The following SH3KBP1 variants were observed in gnomAD, a reference collection of about 807,000 sequenced individuals.
The protein encoded by SH3KBP1 is SH3 domain containing kinase binding protein 1, also known as SH3 domain-containing kinase-binding protein 1.
In SH3KBP1, 8 loss-of-function variants were observed where a neutral mutation model predicts 50.1. The observed-to-expected ratio is 0.16, with a 90% confidence interval of 0.09 to 0.29. The LOEUF is 0.29. SH3KBP1 is among the 10% of genes least tolerant of loss of function. The pLI is 1.00. For synonymous variants in SH3KBP1, 227 were observed against 218.6 expected (o/e 1.04, Z -0.34); for missense variants, 377 against 535.2 (o/e 0.70, Z 2.92).
chrX:19,633,932 G>C (rs1168200588), intron 7 of SH3KBP1, among the ~76,000 whole-genome samples: 1 of 110,438 alleles, frequency 9.1e-6, no homozygotes, highest in African/African-American at 3.3e-5. Flanking sequence ...CTCTTTTGTT[G>C]GTGACTGGTT....
chrX:19,581,533 T>A (rs2066372792), intron 12 of SH3KBP1, among the ~76,000 whole-genome samples: 2 of 111,626 alleles, frequency 1.8e-5, no homozygotes, highest in Admixed American at 1.9e-4. Context: ...AGCAAAGAGG[T>A]CTTTTCTAAT....
chrX:19,878,835 G>C (rs1211937638), intron 1 of SH3KBP1, among the ~76,000 whole-genome samples: 2 of 112,227 alleles, frequency 1.8e-5, no homozygotes, highest in Non-Finnish European at 3.8e-5. Flanking sequence ...GGTGAAAATT[G>C]CAAATTTTGT....
At chrX:19,788,269 C>CAAAAAAAAAAAAAA (rs1227301099) in intron 2 of SH3KBP1, among the ~76,000 whole-genome samples, 5 of 25,546 alleles carry the variant, frequency 2.0e-4, no homozygotes, top group East Asian at 1.3e-3. Context: ...ATTCTATCTC[C>CAAAAAAAAAAAAAA]AAAAAAAAAA....
intron 1 of SH3KBP1, among the ~76,000 whole-genome samples, chrX:19,866,894 C>A: frequency 9.2e-6 from 1 of 108,481 alleles, no homozygotes; most frequent in African/African-American, 3.4e-5. Context: ...CGTAAACAGA[C>A]CTTACAACAC....
rs1436517734 is a variant in SH3KBP1, at chrX:19,821,442, T to C, written c.162+14683A>G. Among the ~76,000 whole-genome samples, 3 of 112,060 alleles carry C rather than the reference T, an allele frequency of 2.7e-5. No individual in the cohort carries two copies. In the Admixed American group the frequency reaches 2.8e-4, roughly 11 times the overall value. ...GACACATACCCTATACTTGGCCTAC[T>C]ATACATACTCCCTATTTTTACCCAT... On this transcript the variant is annotated intron_variant, in intron 2 of 17. Transcript: ENST00000397821.
chrX:19,754,295 C>T (rs989085156), intron 2 of SH3KBP1, among the ~76,000 whole-genome samples: 39 of 111,945 alleles, frequency 3.5e-4, no homozygotes, highest in Middle Eastern at 4.6e-3. Flanking sequence ...GATAATGTTG[C>T]TTCCCGATGT....
intron 1 of SH3KBP1, among the ~76,000 whole-genome samples, chrX:19,870,345 C>CTT (rs1187661196): frequency 9.7e-6 from 1 of 103,242 alleles, no homozygotes. Context: ...CTACACATTT[C>CTT]TTTTTTTTTT....
chrX:19,581,266 A>ACTT (rs954439993), intron 12 of SH3KBP1, among the ~76,000 whole-genome samples: 3 of 112,059 alleles, frequency 2.7e-5, no homozygotes, highest in Non-Finnish European at 5.6e-5. Context: ...TCTAGCCAAG[A>ACTT]CTTCTCTCCT....
intron 2 of SH3KBP1, among the ~76,000 whole-genome samples, chrX:19,824,595 C>T (rs1325443256): frequency 1.8e-5 from 2 of 112,103 alleles, no homozygotes; most frequent in African/African-American, 6.5e-5. Context: ...GTAATGATCA[C>T]GGTGATATCT....
intron 3 of SH3KBP1, among the ~76,000 whole-genome samples, chrX:19,707,408 G>A (rs1355000781): frequency 8.9e-6 from 1 of 112,100 alleles, no homozygotes; most frequent in Non-Finnish European, 1.9e-5. Context: ...TTTTCTAAAT[G>A]TGCAAAGGAA....
chrX:19,687,760 G>T, intron 5 of SH3KBP1: 1 of 793,890 alleles, frequency 1.3e-6, no homozygotes, highest in Non-Finnish European at 1.9e-6. Context: ...GCAAATGATG[G>T]CAAAAGAAGG....
intron 2 of SH3KBP1, among the ~76,000 whole-genome samples, chrX:19,751,783 C>T (rs2065073585): frequency 8.9e-6 from 1 of 111,994 alleles, no homozygotes; most frequent in African/African-American, 3.2e-5. Context: ...ATTCAGAGAC[C>T]AAAAAGCCAG....
At chrX:19,581,382 C>A (rs919849468) in intron 12 of SH3KBP1, among the ~76,000 whole-genome samples, 1 of 112,396 alleles carries the variant, frequency 8.9e-6, no homozygotes, top group Non-Finnish European at 1.9e-5. Flanking sequence ...ATTCACAACA[C>A]CTGAGTAATC....
At chrX:19,616,966 C>T (rs1413569804) in intron 8 of SH3KBP1, among the ~76,000 whole-genome samples, 1 of 112,155 alleles carries the variant, frequency 8.9e-6, no homozygotes, top group African/African-American at 3.2e-5. Context: ...CTACTGATGC[C>T]TGGCTTAGTA....
chrX:19,835,039 A>G, intron 2 of SH3KBP1, among the ~76,000 whole-genome samples: 1 of 99,578 alleles, frequency 1.0e-5, no homozygotes, highest in Non-Finnish European at 2.1e-5. Flanking sequence ...AGACTGTCTC[A>G]AAAAAAAAAA....
intron 6 of SH3KBP1, among the ~76,000 whole-genome samples, chrX:19,669,996 T>C (rs769953207): frequency 1.8e-5 from 2 of 110,425 alleles, no homozygotes; most frequent in East Asian, 5.7e-4. Flanking sequence ...TTAAAATTTT[T>C]TTTTCAATGA....
intron 2 of SH3KBP1, among the ~76,000 whole-genome samples, chrX:19,775,282 C>T (rs769615833): frequency 4.4e-4 from 49 of 111,978 alleles, no homozygotes; most frequent in Non-Finnish European, 7.5e-5. Context: ...ACCAGGAAAG[C>T]CGACGACATC....
At chrX:19,611,834 G>C (rs939095597) in intron 8 of SH3KBP1, among the ~76,000 whole-genome samples, 1 of 110,285 alleles carries the variant, frequency 9.1e-6, no homozygotes, top group Non-Finnish European at 1.9e-5. Context: ...GAAGCATGAA[G>C]GGAGAACACA....
intron 1 of SH3KBP1, among the ~76,000 whole-genome samples, chrX:19,849,204 C>T (rs1246266192): frequency 2.7e-5 from 3 of 110,786 alleles, no homozygotes; most frequent in African/African-American, 9.9e-5. Flanking sequence ...TGCCAACAAA[C>T]GGAACCTGAA....
Sources: gnomAD v4.1 joint callset for allele counts (sites outside exome capture counted in the v4.1 genomes callset) on GRCh38, gnomAD v4.1.1 for gene constraint, MANE v1.5 for transcripts, NCBI Gene and HGNC (gene_info 2026-07-23, HGNC 2026-07-21) for gene names.